Variants in NFIB observed in about 807,000 individuals in gnomAD.
NFIB encodes the protein nuclear factor 1 B-type.
A neutral mutation model predicts 61.5 loss-of-function variants in NFIB; 11 were observed. That is an observed-to-expected ratio of 0.18 (90% CI 0.11 to 0.30). NFIB has a LOEUF of 0.30. Among genes scored for constraint, NFIB ranks in the 10% least tolerant of loss-of-function variants. The probability of loss-of-function intolerance (pLI) is 1.00; values close to 1 mark genes in which losing one functional copy is unlikely to be tolerated. For missense variants in NFIB, 471 were observed against 608.9 expected, an observed-to-expected ratio of 0.77 and a Z score of 2.38; for synonymous variants, 260 against 216.5, an observed-to-expected ratio of 1.20 and a Z score of -1.76.
At chr9:14,195,353 T>C (rs1047444509) in intron 2 of NFIB, among the ~76,000 whole-genome samples, 2 of 152,212 alleles carry the variant, frequency 1.3e-5, no homozygotes, top group East Asian at 1.9e-4. Context: ...TCATTTTCCA[T>C]CTTATTGACA....
intron 10 of NFIB, among the ~76,000 whole-genome samples, chr9:14,104,261 A>T (rs2036220593): frequency 6.6e-6 from 1 of 152,184 alleles, no homozygotes; most frequent in Non-Finnish European, 1.5e-5. Flanking sequence ...AGGAAAAAAA[A>T]GTACACTTTG....
At chr9:14,431,751 CA>C in the NFIB span, among the ~76,000 whole-genome samples, 3 of 151,788 alleles carry the variant, frequency 2.0e-5, no homozygotes, top group African/African-American at 7.3e-5. Context: ...CACTGTCATC[CA>C]GGGGAAAAAG....
At chr9:14,282,319 G>C (rs1485958751) in intron 2 of NFIB, among the ~76,000 whole-genome samples, 1 of 152,092 alleles carries the variant, frequency 6.6e-6, no homozygotes, top group African/African-American at 2.4e-5. Flanking sequence ...GCAATATCAA[G>C]AGGGCAATAA....
At chr9:14,413,780 A>G in the NFIB span, among the ~76,000 whole-genome samples, 7 of 152,204 alleles carry the variant, frequency 4.6e-5, no homozygotes, top group Non-Finnish European at 8.8e-5. Flanking sequence ...AGCATGACCT[A>G]AGACAGCCAC....
chr9:14,245,555 T>C (rs2054824588), intron 2 of NFIB, among the ~76,000 whole-genome samples: 2 of 152,056 alleles, frequency 1.3e-5, no homozygotes, highest in Non-Finnish European at 2.9e-5. Context: ...CACATGATTA[T>C]ACTATAATGT....
Position 14,291,760 on chromosome 9 carries a change from A to G in NFIB, c.562+15229T>C, listed in dbSNP as rs185331216. 5.3e-5 allele frequency among the ~76,000 whole-genome samples: 8 copies of G among 152,150 alleles called. No individual in the cohort carries two copies. In the East Asian group the frequency reaches 7.7e-4, roughly 15 times the overall value. On this transcript the variant is annotated intron_variant, in intron 2 of 10. Coordinates refer to ENST00000380953, the MANE Select transcript of NFIB (RefSeq NM_001190737.2). ...AAAGCAGAACTTCTAACAGCTCCTC[A>G]TAACTAGCTCTGACCTTTTCTTTAA... is the stretch of plus-strand genomic sequence containing the variant.
chr9:14,237,136 A>G (rs1268874079), intron 2 of NFIB, among the ~76,000 whole-genome samples: 9 of 152,170 alleles, frequency 5.9e-5, no homozygotes, highest in African/African-American at 1.9e-4. Context: ...AACATAAACA[A>G]TTGAATTTAG....
chr9:14,115,047 G>A (rs2037918045), intron 9 of NFIB, among the ~76,000 whole-genome samples: 1 of 152,046 alleles, frequency 6.6e-6, no homozygotes, highest in Non-Finnish European at 1.5e-5. Context: ...ATTACTGATG[G>A]GTATTACAAG....
chr9:14,494,849 C>A, the NFIB span, among the ~76,000 whole-genome samples: 2 of 152,246 alleles, frequency 1.3e-5, no homozygotes, highest in Admixed American at 1.3e-4. Flanking sequence ...ATCCCAAACA[C>A]CATCCACTCC....
chr9:14,146,059 T>A (rs773599386), intron 6 of NFIB, among the ~76,000 whole-genome samples: 1 of 152,088 alleles, frequency 6.6e-6, no homozygotes, highest in African/African-American at 2.4e-5. Context: ...TAATGAAATA[T>A]AGTAAATCCA....
intron 3 of NFIB, among the ~76,000 whole-genome samples, chr9:14,169,307 G>C (rs2045296370): frequency 6.6e-6 from 1 of 152,038 alleles, no homozygotes; most frequent in Admixed American, 6.6e-5. Context: ...ACACATACAT[G>C]CAAGGTATAG....
chr9:14,494,828 G>A, the NFIB span, among the ~76,000 whole-genome samples: 1 of 152,008 alleles, frequency 6.6e-6, no homozygotes, highest in Admixed American at 6.6e-5. Context: ...AATTGCCTAG[G>A]TCTCCATCCT....
chr9:14,165,032 GA>G (rs1381712814), intron 3 of NFIB, among the ~76,000 whole-genome samples: 2 of 152,136 alleles, frequency 1.3e-5, no homozygotes, highest in East Asian at 1.9e-4. Context: ...CAGACCCTCA[GA>G]ATCAGAATCC....
chr9:14,201,132 G>C (rs1008476113), intron 2 of NFIB, among the ~76,000 whole-genome samples: 36 of 152,032 alleles, frequency 2.4e-4, no homozygotes, highest in African/African-American at 8.5e-4. Flanking sequence ...CCTCACAATA[G>C]CCTCAGCCTC....
intron 2 of NFIB, among the ~76,000 whole-genome samples, chr9:14,241,597 G>A (rs939798240): frequency 6.6e-6 from 1 of 151,968 alleles, no homozygotes; most frequent in South Asian, 2.1e-4. Context: ...ATATCTCATA[G>A]TTGTTCCCTC....
the NFIB span, among the ~76,000 whole-genome samples, chr9:14,428,776 G>A: frequency 6.6e-6 from 1 of 152,298 alleles, no homozygotes; most frequent in South Asian, 2.1e-4. Context: ...CAGATTGCAG[G>A]TGGAGTCTGG....
At chr9:14,291,036 G>C (rs906678549) in intron 2 of NFIB, among the ~76,000 whole-genome samples, 4 of 152,002 alleles carry the variant, frequency 2.6e-5, no homozygotes, top group Non-Finnish European at 5.9e-5. Context: ...CTAGAAATTA[G>C]CTACTAGAAG....
chr9:14,499,486 C>A, the NFIB span, among the ~76,000 whole-genome samples: 2 of 152,112 alleles, frequency 1.3e-5, no homozygotes, highest in African/African-American at 2.4e-5. Context: ...AGGGGACAGG[C>A]AGAAGTCAAC....
intron 1 of NFIB, chr9:14,321,865 C>G: frequency 8.1e-7 from 1 of 1,230,258 alleles, no homozygotes; most frequent in African/African-American, 1.6e-5. Context: ...AAAAGAAAAA[C>G]TGTGCCAGGG....
Sources: gnomAD v4.1 joint callset for allele counts (sites outside exome capture counted in the v4.1 genomes callset) on GRCh38, gnomAD v4.1.1 for gene constraint, MANE v1.5 for transcripts, NCBI Gene and HGNC (gene_info 2026-07-23, HGNC 2026-07-21) for gene names.